Variants in CEP95 observed in about 807,000 individuals in gnomAD.
CEP95 encodes the protein centrosomal protein of 95 kDa.
CEP95 carries 98 observed loss-of-function variants against 111.2 expected under a neutral mutation model. The ratio of observed to expected loss-of-function variants is 0.88; its 90% CI spans 0.75 to 1.04. CEP95 has a LOEUF of 1.04. CEP95 is among the 50% of genes least tolerant of loss of function. CEP95 has a pLI of 0.00. For missense variants in CEP95, 1,027 were observed against 977.2 expected (o/e 1.05, Z -0.68); for synonymous variants, 323 against 327.1 (o/e 0.99, Z 0.14).
intron 1 of CEP95, chr17:64,508,090 C>G (rs1568116896): frequency 2.0e-6 from 2 of 985,288 alleles, no homozygotes; most frequent in Non-Finnish European, 1.2e-6. Flanking sequence ...TTCTTAACAG[C>G]CTAAGTTTAA....
chr17:64,510,274 A>C lies in CEP95; in HGVS notation c.250A>C (p.Ile84Leu). The C allele has an allele frequency of 1.3e-6, 2 of 1,582,652 alleles. No individual in the cohort carries two copies. The highest frequency in any genetic ancestry group is 1.7e-6 in the Non-Finnish European group (2 of 1,153,402). The change falls in exon 3 of 20, where the codon ATA becomes CTA. Residue 84 changes from isoleucine to leucine, a missense_variant. Physicochemically the swap from Ile to Leu is conservative, Grantham distance 5. Coordinates refer to ENST00000556440, the MANE Select transcript of CEP95 (RefSeq NM_138363.3). ...CTACTTGCAGGTCAGCTTGTCTCAC[A>C]TAACAGGTTGGTATATGTATAACTA... ...LDYLQVSLSH[I>L]TGENIVKGDK...
chr17:64,507,123 G>A lies in CEP95; in HGVS notation c.19+7G>A. 2 of 1,551,452 alleles carry A rather than the reference G, an allele frequency of 1.3e-6. No individual in the cohort carries two copies. The highest frequency in any genetic ancestry group is 2.4e-5 in the East Asian group (1 of 40,914). ...ATGGCAGGCTCGGATGCTGGTGAGT[G>A]TCTCCCTGGGGTCCCAGTATGTGTG... On this transcript the variant is annotated splice_region_variant and intron_variant, in intron 1 of 19. Transcript: ENST00000556440.
intron 7 of CEP95, 27 bp downstream of exon 7, chr17:64,521,554 T>C (rs373057236): frequency 1.1e-4 from 173 of 1,599,024 alleles, no homozygotes; most frequent in Non-Finnish European, 1.4e-4. Flanking sequence ...GTTAGTTCTT[T>C]ACTGCTGATG....
Position 64,537,654 on chromosome 17 carries a change from C to T in CEP95, c.2341C>T (p.Gln781Ter). Reference sequence around the variant, plus strand: ...GAGATCTAAGATGGAGAAGGAAATTCAGCAGCTGCAGGACATGATAACACA... The same window carrying T: ...GAGATCTAAGATGGAGAAGGAAATTTAGCAGCTGCAGGACATGATAACACA... ...ELRSKMEKEI[Q>*]QLQDMITQND... The change falls in exon 20 of 20, where the codon CAG becomes TAG. Residue 781 changes from glutamine to a stop codon, truncating the protein, a stop_gained. Transcript: ENST00000556440. LOFTEE classifies it high-confidence loss of function. 1.9e-6 allele frequency: 3 copies of T among 1,612,526 alleles called. No homozygotes were observed. The highest frequency in any genetic ancestry group is 2.5e-6 in the Non-Finnish European group (3 of 1,179,006).
At chr17:64,527,672 G>A (rs544006766) in intron 11 of CEP95, among the ~76,000 whole-genome samples, 19 of 151,958 alleles carry the variant, frequency 1.3e-4, no homozygotes, top group East Asian at 3.9e-4. Flanking sequence ...TGCAACTTGC[G>A]TTTTTTTCTG....
At chr17:64,529,479 C>T in intron 12 of CEP95, 52 bp downstream of exon 12, 6 of 1,579,710 alleles carry the variant, frequency 3.8e-6, no homozygotes, top group Non-Finnish European at 5.2e-6. Flanking sequence ...ACCATTTCCC[C>T]TCAGCCAGAT....
At chr17:64,513,999 A>G (rs543894740) in intron 3 of CEP95, among the ~76,000 whole-genome samples, 23 of 152,296 alleles carry the variant, frequency 1.5e-4, no homozygotes, top group African/African-American at 5.5e-4. Context: ...GAATTATTAG[A>G]CGCCATATTT....
Position 64,531,872 on chromosome 17 carries a change from T to G in CEP95, c.1540-18T>G. On this transcript the variant is annotated intron_variant, in intron 13 of 19. Transcript: ENST00000556440. Reference sequence around the variant, plus strand: ...GTTAGACCTTTTATTTTTATTCTGTTTTATATCTGCTTCTAAGGAAAAAAT... The same window carrying G: ...GTTAGACCTTTTATTTTTATTCTGTGTTATATCTGCTTCTAAGGAAAAAAT... The G allele has an allele frequency of 2.0e-6, 3 of 1,521,188 alleles. No individual in the cohort carries two copies. The highest frequency in any genetic ancestry group is 2.5e-5 in the South Asian group (2 of 78,828). The allele number at this position is 1,521,188 out of a possible 1,614,324, so 94.2% of individuals were successfully genotyped here.
Position 64,511,397 on chromosome 17 carries a change from G to A in CEP95, c.256+1117G>A, listed in dbSNP as rs185649589. Among the ~76,000 whole-genome samples, 60 of 152,298 alleles carry A rather than the reference G, an allele frequency of 3.9e-4. No homozygotes were observed. In the East Asian group the frequency reaches 5.0e-3, roughly 13 times the overall value. On this transcript the variant is annotated intron_variant, in intron 3 of 19. Transcript: ENST00000556440. Reference sequence around the variant, plus strand: ...ACCGTCTGTAGACCTGCCCCCAGGCGTGTATTCTCTTTCCCAGGGATGTTC... The same window carrying A: ...ACCGTCTGTAGACCTGCCCCCAGGCATGTATTCTCTTTCCCAGGGATGTTC...
chr17:64,507,332 G>A lies in CEP95; in HGVS notation c.19+216G>A, dbSNP rs2038605022. ...GCAGTATGCTGTGGGAGAGAGAGAG[G>A]CACTGGGGCGAGGCCGGTAGGACAC... On this transcript the variant is annotated intron_variant, in intron 1 of 19. Transcript: ENST00000556440. 7 of 1,433,046 alleles carry A rather than the reference G, an allele frequency of 4.9e-6. No individual in the cohort carries two copies. In the East Asian group the frequency reaches 1.0e-4, roughly 21 times the overall value. The allele number at this position is 1,433,046 out of a possible 1,614,324, so 88.8% of individuals were successfully genotyped here. A position where few individuals can be genotyped will look rare whatever the true frequency, so the allele number is the denominator to read the frequency against.
intron 10 of CEP95, 53 bp downstream of exon 10, chr17:64,526,253 TTAAG>T: frequency 4.7e-6 from 7 of 1,504,192 alleles, no homozygotes; most frequent in East Asian, 2.3e-5. Flanking sequence ...AAGTGAGCAT[TTAAG>T]TAATCTCTCA....
Position 64,534,756 on chromosome 17 carries a change from T to A in CEP95, c.2070+19T>A, listed in dbSNP as rs202104425. The A allele has an allele frequency of 1.2e-4, 197 of 1,604,414 alleles. No individual in the cohort carries two copies. The highest frequency in any genetic ancestry group is 2.9e-4 in the Admixed American group (17 of 58,470). On this transcript the variant is annotated intron_variant, in intron 17 of 19. Transcript: ENST00000556440. Reference sequence around the variant, plus strand: ...AGAAATGGTAAGTCTGACTTTTCTGTCCAGCCCTGTTAAGAAGGTGAACTT... The same window carrying A: ...AGAAATGGTAAGTCTGACTTTTCTGACCAGCCCTGTTAAGAAGGTGAACTT...
intron 5 of CEP95, among the ~76,000 whole-genome samples, chr17:64,517,308 A>G (rs1427953599): frequency 2.0e-5 from 3 of 152,192 alleles, no homozygotes; most frequent in Middle Eastern, 3.4e-3. Context: ...TGTCCTCCCA[A>G]AGTGCTGGGA....
At chr17:64,527,922 C>CT (rs1295901566) in intron 11 of CEP95, among the ~76,000 whole-genome samples, 1 of 148,626 alleles carries the variant, frequency 6.7e-6, no homozygotes, top group East Asian at 2.0e-4. Flanking sequence ...GTAGCACTAT[C>CT]TATTTCCCCT....
chr17:64,507,039 C>G lies in CEP95; in HGVS notation c.-59C>G. 6.5e-7 allele frequency: 1 copy of G among 1,548,328 alleles called. No homozygotes were observed. The highest frequency in any genetic ancestry group is 1.2e-5 in the South Asian group (1 of 83,988). On this transcript the variant is annotated 5_prime_UTR_variant, in exon 1 of 20. Coordinates refer to ENST00000556440, the MANE Select transcript of CEP95 (RefSeq NM_138363.3). ...GTCGGGTCTGCGTGGATCGGTCCTT[C>G]CAGGACACCGTCGCCTTCCCGGCCG...
chr17:64,537,313 A>G, intron 19 of CEP95: 1 of 1,407,018 alleles, frequency 7.1e-7, no homozygotes, highest in Non-Finnish European at 9.3e-7. Context: ...CTTGGAACAT[A>G]TCTCCATCAT....
chr17:64,529,544 C>G, intron 12 of CEP95, 117 bp downstream of exon 12: 1 of 1,042,196 alleles, frequency 9.6e-7, no homozygotes, highest in Non-Finnish European at 1.4e-6. Flanking sequence ...TATTCTTGAG[C>G]GGAGTGGATG....
In CEP95 at chr17:64,519,382, G is replaced by A; in HGVS notation, c.535G>A (p.Gly179Ser). 1 of 1,613,812 alleles carries A rather than the reference G, an allele frequency of 6.2e-7. No individual in the cohort carries two copies. Among genetic ancestry groups the A allele is most frequent in the Non-Finnish European group, 8.5e-7 (1 of 1,179,754 alleles). Residue 179 changes from glycine to serine, a missense_variant, in exon 6 of 20, where the codon GGT (glycine) becomes AGT (serine). Coordinates refer to ENST00000556440, the MANE Select transcript of CEP95 (RefSeq NM_138363.3). ...SWDGDEAEST[G>S]EIIRLGDTAH... ...GGATGGAGATGAAGCAGAATCCACTGGTGAAATCATTAGACTTGGAGACAC... is the reference window on the plus strand; with the variant it reads ...GGATGGAGATGAAGCAGAATCCACTAGTGAAATCATTAGACTTGGAGACAC...
chr17:64,510,533 T>C (rs1555674638), intron 3 of CEP95, among the ~76,000 whole-genome samples: 1 of 152,112 alleles, frequency 6.6e-6, no homozygotes, highest in African/African-American at 2.4e-5. Context: ...GTGTGTTTTT[T>C]GTTTTTATGT....
Sources: allele counts gnomAD v4.1 joint callset (sites outside exome capture counted in the v4.1 genomes callset), GRCh38; gene constraint gnomAD v4.1.1; transcripts MANE v1.5; gene names NCBI Gene and HGNC (gene_info 2026-07-23, HGNC 2026-07-21).